ABCB1: variants seen among roughly 807,000 people sequenced by gnomAD.
The protein encoded by ABCB1 is ATP binding cassette subfamily B member 1, also known as ATP-dependent translocase ABCB1.
A neutral mutation model predicts 142.0 loss-of-function variants in ABCB1; 69 were observed. The ratio of observed to expected loss-of-function variants is 0.49; its 90% CI spans 0.40 to 0.59. ABCB1 has a LOEUF of 0.59. Ranked by LOEUF, ABCB1 falls within the 20% of genes least tolerant of loss-of-function variation. The pLI is 0.00. For synonymous variants in ABCB1, 532 were observed against 539.2 expected (o/e 0.99, Z 0.18); for missense variants, 1,326 against 1,554.7 (o/e 0.85, Z 2.47).
At chr7:87,664,271 C>T (rs1438592837) in intron 1 of ABCB1, among the ~76,000 whole-genome samples, 2 of 152,052 alleles carry the variant, frequency 1.3e-5, no homozygotes, top group African/African-American at 4.8e-5. Flanking sequence ...GGCTGTAGTA[C>T]ACTATTATTG....
intron 1 of ABCB1, among the ~76,000 whole-genome samples, chr7:87,710,008 A>G (rs1423290447): frequency 6.6e-6 from 1 of 152,084 alleles, no homozygotes; most frequent in African/African-American, 2.4e-5. Flanking sequence ...ATATTTGGTA[A>G]TAGCTTTTAG....
At chr7:87,626,246 A>C (rs35881718) in intron 1 of ABCB1, among the ~76,000 whole-genome samples, 1 of 12,542 alleles carries the variant, frequency 8.0e-5, no homozygotes, top group Non-Finnish European at 1.6e-4. Flanking sequence ...TGTCATATAT[A>C]TGTCATATAT....
At position 87,579,488 on chromosome 7, in the gene ABCB1, T is replaced by C. The variant is rs139483176; in HGVS notation, c.286+6024A>G. ...TTATCATATATTTTATATCCTTCAT[T>C]CTGTTGATATGACATATCACATTGA... On this transcript the variant is annotated intron_variant, in intron 4 of 27. Transcript: ENST00000622132. 7.8e-4 allele frequency among the ~76,000 whole-genome samples: 119 copies of C among 152,362 alleles called. 4 individuals carry two copies. In the East Asian group the frequency reaches 0.021, roughly 27 times the overall value.
intron 18 of ABCB1, among the ~76,000 whole-genome samples, chr7:87,540,200 C>T (rs1488386604): frequency 1.3e-5 from 2 of 152,160 alleles, no homozygotes; most frequent in Non-Finnish European, 2.9e-5. Flanking sequence ...TTAAAAATTA[C>T]AGGTGGCTAA....
intron 24 of ABCB1, among the ~76,000 whole-genome samples, chr7:87,516,068 A>T (rs1332663822): frequency 6.6e-6 from 1 of 152,170 alleles, no homozygotes; most frequent in Non-Finnish European, 1.5e-5. Context: ...CAACATAACG[A>T]GACCCTGTCT....
At chr7:87,588,247 T>TG (rs1460269398) in intron 3 of ABCB1, among the ~76,000 whole-genome samples, 10 of 152,094 alleles carry the variant, frequency 6.6e-5, no homozygotes, top group Admixed American at 6.5e-4. Flanking sequence ...ACTTGTTTCA[T>TG]GGGGGGTTGT....
At chr7:87,625,691 G>C (rs953873578) in intron 1 of ABCB1, among the ~76,000 whole-genome samples, 3 of 152,016 alleles carry the variant, frequency 2.0e-5, no homozygotes, top group African/African-American at 7.3e-5. Context: ...CCAAACTGTT[G>C]AACTAGCAAG....
At chr7:87,650,340 G>A (rs534048674) in intron 1 of ABCB1, among the ~76,000 whole-genome samples, 2 of 152,140 alleles carry the variant, frequency 1.3e-5, no homozygotes, top group Admixed American at 1.3e-4. Context: ...ATTGCTCACA[G>A]TTCTGCAGGC....
intron 1 of ABCB1, among the ~76,000 whole-genome samples, chr7:87,681,880 T>C (rs1174663983): frequency 6.6e-6 from 1 of 152,210 alleles, no homozygotes; most frequent in Non-Finnish European, 1.5e-5. Flanking sequence ...GCTGCATCCA[T>C]GGACTCTTCC....
intron 9 of ABCB1, among the ~76,000 whole-genome samples, chr7:87,552,759 G>T (rs1817134106): frequency 1.3e-5 from 2 of 150,894 alleles, no homozygotes; most frequent in South Asian, 4.2e-4. Flanking sequence ...TACAAATCTG[G>T]CTCCTGAAAA....
At chr7:87,554,706 C>T (rs1320474094) in intron 8 of ABCB1, among the ~76,000 whole-genome samples, 1 of 152,178 alleles carries the variant, frequency 6.6e-6, no homozygotes, top group Non-Finnish European at 1.5e-5. Context: ...CCATAGCTGC[C>T]AGCTGCTGAA....
intron 14 of ABCB1, among the ~76,000 whole-genome samples, chr7:87,546,955 A>C (rs1584867880): frequency 6.6e-6 from 1 of 152,262 alleles, no homozygotes; most frequent in Non-Finnish European, 1.5e-5. Flanking sequence ...AAAGTACTCA[A>C]CACTGTGCCT....
At chr7:87,702,142 C>CAAAAAAAAAA (rs146127516) in intron 1 of ABCB1, among the ~76,000 whole-genome samples, 3 of 16,774 alleles carry the variant, frequency 1.8e-4, no homozygotes, top group East Asian at 2.6e-3. Context: ...GACTCTGTCT[C>CAAAAAAAAAA]AAAAAAAAAA....
chr7:87,694,031 G>A, intron 1 of ABCB1: 1 of 1,585,664 alleles, frequency 6.3e-7, no homozygotes, highest in Non-Finnish European at 8.5e-7. Flanking sequence ...GGGGAGGGCT[G>A]TATCAGTTAA....
chr7:87,640,544 T>G (rs1356052528), intron 1 of ABCB1, among the ~76,000 whole-genome samples: 2 of 152,078 alleles, frequency 1.3e-5, no homozygotes, highest in Non-Finnish European at 2.9e-5. Context: ...AGGATCTGGC[T>G]ATGTTGCCCA....
At chr7:87,536,377 ACCCG>A in intron 20 of ABCB1, 77 bp downstream of exon 20, 1 of 1,226,832 alleles carries the variant, frequency 8.2e-7, no homozygotes, top group Non-Finnish European at 1.2e-6. Context: ...GATAACTAAC[ACCCG>A]TAAGGAGAAA....
chr7:87,647,314 C>G (rs1260274338), intron 1 of ABCB1, among the ~76,000 whole-genome samples: 1 of 152,024 alleles, frequency 6.6e-6, no homozygotes, highest in Non-Finnish European at 1.5e-5. Flanking sequence ...TTGTTATTGT[C>G]ATTTTCTTTG....
In ABCB1 at chr7:87,553,766, G is replaced by T; in HGVS notation, c.994C>A (p.Leu332Ile). ...LSGEYSIGQV[L>I]TVFFSVLIGA... ...TCTCAATGTAAACCACTTACAGTGA[G>T]TACTTGTCCAATAGAATATTCCCCT... Residue 332 changes from leucine to isoleucine, a missense_variant, in exon 9 of 28, where the codon CTC (leucine) becomes ATC (isoleucine). Coordinates refer to ENST00000622132, the MANE Select transcript of ABCB1 (RefSeq NM_001348946.2). 1 of 1,613,848 alleles carries T rather than the reference G, an allele frequency of 6.2e-7. No homozygotes were observed. Among genetic ancestry groups the T allele is most frequent in the Non-Finnish European group, 8.5e-7 (1 of 1,179,782 alleles).
chr7:87,545,769 G>T, intron 15 of ABCB1, 94 bp downstream of exon 15: 1 of 1,356,794 alleles, frequency 7.4e-7, no homozygotes, highest in Non-Finnish European at 1.0e-6. Flanking sequence ...TACTTTGTAA[G>T]GTAATCAAAT....
Sources: allele counts gnomAD v4.1 joint callset (sites outside exome capture counted in the v4.1 genomes callset), GRCh38; gene constraint gnomAD v4.1.1; transcripts MANE v1.5; gene names NCBI Gene and HGNC (gene_info 2026-07-23, HGNC 2026-07-21).